ZNF536: variants seen among roughly 807,000 people sequenced by gnomAD.
ZNF536 encodes the protein zinc finger protein 536.
ZNF536 carries 13 observed loss-of-function variants against 84.5 expected under a neutral mutation model. That is an observed-to-expected ratio of 0.15 (90% CI 0.10 to 0.24). The LOEUF (loss-of-function observed/expected upper bound fraction) is 0.24, where lower values mean the gene tolerates loss of function less well. Ranked by LOEUF, ZNF536 falls within the 10% of genes least tolerant of loss-of-function variation. The pLI is 1.00. For synonymous variants in ZNF536, 811 were observed against 742.5 expected (o/e 1.09, Z -1.50); for missense variants, 1,536 against 1,747.5 (o/e 0.88, Z 2.16).
At chr19:30,677,913 C>A (rs2050813183) in intron 1 of ZNF536, among the ~76,000 whole-genome samples, 1 of 152,108 alleles carries the variant, frequency 6.6e-6, no homozygotes, top group Admixed American at 6.5e-5. Flanking sequence ...ACGGGAGGCA[C>A]CCTGATGGGC....
In ZNF536 at chr19:30,548,009, A is replaced by T. The variant is rs975835294; in HGVS notation, c.2390A>T (p.His797Leu). The stretch of plus-strand genomic sequence containing the variant: ...ACGCAGTCAGCATCCTTAAAATACC[A>T]CTTAGAGCGACACCATCGGGAGCGG... ...AGTQSASLKY[H>L]LERHHRERQN... The change falls in exon 4 of 5, where the codon CAC becomes CTC. Residue 797 changes from histidine (H) to leucine (L), a missense_variant. Around this residue, in one of 8 missense-constraint regions of ZNF536, gnomAD observed 148 missense variants for 205.4 expected, o/e 0.72. Transcript: ENST00000355537. The T allele has an allele frequency of 6.2e-7, 1 of 1,611,984 alleles. No homozygotes were observed. Among genetic ancestry groups the T allele is most frequent in the Non-Finnish European group, 8.5e-7 (1 of 1,179,088 alleles).
Position 30,438,420 on chromosome 19 carries a change from G to A in ZNF536, c.-2-5141G>A, listed in dbSNP as rs1600726900. On this transcript the variant is annotated intron_variant, in intron 1 of 4. Transcript: ENST00000355537. ...AAACCTCTTCTGGACATCAGTCCAG[G>A]TGAATAATTTGTGACTCCAGCTCCT... 2.0e-5 allele frequency among the ~76,000 whole-genome samples: 3 copies of A among 152,320 alleles called. No individual in the cohort carries two copies. In the East Asian group the frequency reaches 5.8e-4, roughly 29 times the overall value.
At chr19:30,466,742 AAGGAAGAAAGGAG>A in intron 2 of ZNF536, among the ~76,000 whole-genome samples, 1 of 73,884 alleles carries the variant, frequency 1.4e-5, no homozygotes, top group African/African-American at 7.3e-5. Context: ...GGAGGGAGGG[AAGGAAGAAAGGAG>A]GGAAGGAAGG....
At chr19:30,305,244 AGT>A (rs1280944961) in intron 2 of ZNF536, among the ~76,000 whole-genome samples, 2 of 152,226 alleles carry the variant, frequency 1.3e-5, no homozygotes, top group Non-Finnish European at 2.9e-5. Flanking sequence ...ACCTGCCAGG[AGT>A]GAGCTTGTGC....
intron 1 of ZNF536, among the ~76,000 whole-genome samples, chr19:30,276,520 A>G (rs2026142251): frequency 6.6e-6 from 1 of 152,146 alleles, no homozygotes; most frequent in African/African-American, 2.4e-5. Context: ...TTTTTCACAC[A>G]TACTCAGCTT....
intron 1 of ZNF536, among the ~76,000 whole-genome samples, chr19:30,393,978 A>G (rs968749856): frequency 1.3e-5 from 2 of 152,084 alleles, no homozygotes; most frequent in Admixed American, 1.3e-4. Flanking sequence ...GTGTGGGAAG[A>G]GCTGCCTTTG....
intron 1 of ZNF536, among the ~76,000 whole-genome samples, chr19:30,611,988 C>T (rs889038242): frequency 2.0e-5 from 3 of 152,034 alleles, no homozygotes; most frequent in African/African-American, 7.2e-5. Context: ...GCTGTTTGGT[C>T]GTGGGCATTT....
intron 1 of ZNF536, among the ~76,000 whole-genome samples, chr19:30,624,631 G>C (rs2048608844): frequency 1.3e-5 from 2 of 152,128 alleles, no homozygotes; most frequent in Admixed American, 1.3e-4. Context: ...CTGGAGTCTT[G>C]GTGTTGAGGA....
At chr19:30,358,307 C>T (rs759358097) in intron 3 of ZNF536, among the ~76,000 whole-genome samples, 4 of 152,198 alleles carry the variant, frequency 2.6e-5, no homozygotes, top group South Asian at 2.1e-4. Flanking sequence ...CCAGAACCCA[C>T]GCATTTATGT....
In ZNF536 at chr19:30,233,517, AT is replaced by A. The variant is rs755958829; in HGVS notation, c.-190+4857del. Among the ~76,000 whole-genome samples, 568 of 141,692 alleles carry A rather than the reference AT, an allele frequency of 4.0e-3. 1 individual carries two copies. Among genetic ancestry groups the A allele is most frequent in the East Asian group, 6.3e-3 (31 of 4,906 alleles). The allele number at this position is 141,692 out of a possible 152,430, so 93.0% of individuals were successfully genotyped here. On this transcript the variant is annotated intron_variant, in intron 1 of 5. Transcript: ENST00000585628. ...CCACCACACCTAGGTAGTTTTTAAC[AT>A]TTTTTTTTTTTTAGAGATGGGGTCT...
intron 1 of ZNF536, among the ~76,000 whole-genome samples, chr19:30,577,414 G>GT (rs2046778848): frequency 2.0e-5 from 3 of 152,148 alleles, no homozygotes; most frequent in African/African-American, 7.2e-5. Context: ...TCATTAGTTA[G>GT]TTATAAACAA....
intron 1 of ZNF536, among the ~76,000 whole-genome samples, chr19:30,697,415 G>A (rs1336045061): frequency 6.6e-6 from 1 of 152,200 alleles, no homozygotes. Flanking sequence ...ACCATGCAAT[G>A]GGCACGTAGT....
chr19:30,695,716 T>C (rs965230487), intron 1 of ZNF536, among the ~76,000 whole-genome samples: 13 of 152,312 alleles, frequency 8.5e-5, no homozygotes, highest in Admixed American at 7.8e-4. Flanking sequence ...ATTTGGGGAC[T>C]TGACTTGGTA....
chr19:30,364,648 C>G (rs1468231541), intron 3 of ZNF536, among the ~76,000 whole-genome samples: 1 of 152,172 alleles, frequency 6.6e-6, no homozygotes, highest in Non-Finnish European at 1.5e-5. Flanking sequence ...TTTGGGGTGT[C>G]CAGAAAGTGT....
intron 1 of ZNF536, among the ~76,000 whole-genome samples, chr19:30,408,664 A>G (rs2050361042): frequency 6.6e-6 from 1 of 152,096 alleles, no homozygotes; most frequent in African/African-American, 2.4e-5. Context: ...CTTTTGTTTT[A>G]TTCCTTTGGT....
intron 1 of ZNF536, chr19:30,436,528 TG>T: frequency 1.0e-6 from 1 of 984,978 alleles, no homozygotes; most frequent in South Asian, 4.7e-5. Flanking sequence ...AATGTAAGCA[TG>T]AAATCTCTGG....
At chr19:30,391,180 G>A (rs1484766200) in intron 1 of ZNF536, among the ~76,000 whole-genome samples, 1 of 152,162 alleles carries the variant, frequency 6.6e-6, no homozygotes, top group African/African-American at 2.4e-5. Flanking sequence ...TGTCCCTGAG[G>A]AATTCCAAAA....
intron 1 of ZNF536, among the ~76,000 whole-genome samples, chr19:30,692,292 A>G (rs1249893224): frequency 6.6e-6 from 1 of 152,214 alleles, no homozygotes; most frequent in Non-Finnish European, 1.5e-5. Context: ...ATAATAATAT[A>G]TGAGCAAATC....
chr19:30,616,707 G>C (rs2048307268), intron 1 of ZNF536, among the ~76,000 whole-genome samples: 1 of 152,122 alleles, frequency 6.6e-6, no homozygotes, highest in South Asian at 2.1e-4. Flanking sequence ...TTAGCTCTTA[G>C]AGAGTTAAAA....
Sources: allele counts gnomAD v4.1 joint callset (sites outside exome capture counted in the v4.1 genomes callset), GRCh38; gene constraint gnomAD v4.1.1; regional missense constraint gnomAD v4.1.1; transcripts MANE v1.5; gene names NCBI Gene and HGNC (gene_info 2026-07-23, HGNC 2026-07-21).